Variants in FHOD3 observed in about 807,000 individuals in gnomAD.
The protein encoded by FHOD3 is formin homology 2 domain containing 3, also known as FH1/FH2 domain-containing protein 3.
In FHOD3, 90 loss-of-function variants were observed where a neutral mutation model predicts 173.0. That is an observed-to-expected ratio of 0.52 (90% CI 0.44 to 0.62). FHOD3 has a LOEUF of 0.62. Among genes scored for constraint, FHOD3 ranks in the 20% least tolerant of loss-of-function variants. The probability of loss-of-function intolerance (pLI) is 0.00; values close to 1 mark genes in which losing one functional copy is unlikely to be tolerated. For synonymous variants in FHOD3, 828 were observed against 823.0 expected, an observed-to-expected ratio of 1.01 and a Z score of -0.10; for missense variants, 1,945 against 2,034.7, an observed-to-expected ratio of 0.96 and a Z score of 0.85.
chr18:36,556,489 A>G (rs1220108742), intron 5 of FHOD3, among the ~76,000 whole-genome samples: 1 of 152,194 alleles, frequency 6.6e-6, no homozygotes, highest in African/African-American at 2.4e-5. Context: ...CAATCCCCCA[A>G]GGATACTAGA....
intron 4 of FHOD3, among the ~76,000 whole-genome samples, chr18:36,503,774 C>G (rs779566669): frequency 6.6e-6 from 1 of 152,204 alleles, no homozygotes; most frequent in Non-Finnish European, 1.5e-5. Context: ...TTCTGGGTTA[C>G]GTCTGGATTT....
intron 5 of FHOD3, among the ~76,000 whole-genome samples, chr18:36,530,119 C>G (rs1230486667): frequency 6.6e-6 from 1 of 152,166 alleles, no homozygotes; most frequent in East Asian, 1.9e-4. Flanking sequence ...AATGACTTCC[C>G]TTATCAGTCG....
At chr18:36,755,363 C>T in intron 25 of FHOD3, 52 bp downstream of exon 25, 1 of 985,104 alleles carries the variant, frequency 1.0e-6, no homozygotes, top group Non-Finnish European at 1.4e-6. Context: ...AAAGTAAGAT[C>T]AGTCAGGAAT....
At chr18:36,687,407 G>A (rs968804205) in intron 16 of FHOD3, among the ~76,000 whole-genome samples, 3 of 152,120 alleles carry the variant, frequency 2.0e-5, no homozygotes, top group East Asian at 1.9e-4. Flanking sequence ...AAATGAGCAC[G>A]TTTATGTTAG....
intron 3 of FHOD3, among the ~76,000 whole-genome samples, chr18:36,500,855 G>A (rs971323810): frequency 6.6e-5 from 10 of 152,112 alleles, no homozygotes; most frequent in Admixed American, 3.9e-4. Flanking sequence ...GTCTGGCATC[G>A]GGTGCTAGGA....
chr18:36,528,576 G>T (rs1299048709), intron 5 of FHOD3, among the ~76,000 whole-genome samples: 1 of 152,136 alleles, frequency 6.6e-6, no homozygotes, highest in Non-Finnish European at 1.5e-5. Flanking sequence ...CTGGTGTCCT[G>T]TGTCTCCTTA....
chr18:36,332,141 C>T (rs1168962314), intron 1 of FHOD3, among the ~76,000 whole-genome samples: 1 of 152,202 alleles, frequency 6.6e-6, no homozygotes, highest in Non-Finnish European at 1.5e-5. Context: ...AGGAGAAATG[C>T]TTGAAGGAAT....
At chr18:36,752,285 G>A (rs11877941) in intron 24 of FHOD3, among the ~76,000 whole-genome samples, 3,281 of 152,218 alleles carry the variant, frequency 0.022, 99 homozygotes, top group African/African-American at 0.075. Flanking sequence ...TTCCTGGGAG[G>A]CCTAGCAAAC....
intron 3 of FHOD3, among the ~76,000 whole-genome samples, chr18:36,381,573 G>A (rs553504681): frequency 1.1e-4 from 16 of 152,298 alleles, no homozygotes; most frequent in African/African-American, 3.4e-4. Context: ...TTGGTTCCTT[G>A]GTCCTGGTCT....
chr18:36,722,841 C>G (rs28730271), intron 19 of FHOD3, among the ~76,000 whole-genome samples: 1 of 152,200 alleles, frequency 6.6e-6, no homozygotes, highest in Non-Finnish European at 1.5e-5. Context: ...CCCACCACCA[C>G]TCTCCACATT....
chr18:36,763,429 A>G (rs1186183715), intron 27 of FHOD3, among the ~76,000 whole-genome samples: 11 of 148,020 alleles, frequency 7.4e-5, no homozygotes, highest in African/African-American at 2.2e-4. Context: ...TAATATGCGT[A>G]TTATACACGT....
chr18:36,571,131 AAAC>A (rs2058437110), intron 5 of FHOD3, among the ~76,000 whole-genome samples: 1 of 152,306 alleles, frequency 6.6e-6, no homozygotes, highest in Non-Finnish European at 1.5e-5. Context: ...TACAAAAACA[AAAC>A]AAAAAATCAA....
chr18:36,510,769 A>G (rs1309773195), intron 4 of FHOD3, among the ~76,000 whole-genome samples: 1 of 152,014 alleles, frequency 6.6e-6, no homozygotes, highest in Admixed American at 6.6e-5. Flanking sequence ...TTTTCCAAAA[A>G]CTCATGATAT....
At chr18:36,733,330 G>C (rs600729) in intron 20 of FHOD3, among the ~76,000 whole-genome samples, 1,824 of 152,292 alleles carry the variant, frequency 0.012, 25 homozygotes, top group African/African-American at 0.039. Flanking sequence ...TCCTCTAGGG[G>C]AGATAAGGCA....
intron 10 of FHOD3, among the ~76,000 whole-genome samples, chr18:36,634,333 G>A (rs1359826777): frequency 1.3e-5 from 2 of 152,084 alleles, no homozygotes; most frequent in African/African-American, 2.4e-5. Context: ...AACTGTGCTG[G>A]GGGGTGAGCT....
At chr18:36,420,029 T>C (rs2049906004) in intron 3 of FHOD3, among the ~76,000 whole-genome samples, 1 of 152,212 alleles carries the variant, frequency 6.6e-6, no homozygotes, top group Admixed American at 6.5e-5. Context: ...CCTGCTAAGT[T>C]ACACTTGATT....
intron 2 of FHOD3, among the ~76,000 whole-genome samples, chr18:36,359,553 T>C (rs961918943): frequency 1.3e-5 from 2 of 152,148 alleles, no homozygotes; most frequent in African/African-American, 4.8e-5. Flanking sequence ...TTACCTCTGA[T>C]AGGAGTTCAT....
chr18:36,381,315 T>A (rs1014021853), intron 3 of FHOD3, among the ~76,000 whole-genome samples: 1 of 152,240 alleles, frequency 6.6e-6, no homozygotes, highest in Non-Finnish European at 1.5e-5. Context: ...TGTTTGGGAA[T>A]GCAGCTGAAA....
At chr18:36,690,578 C>T (rs1031405640) in intron 16 of FHOD3, among the ~76,000 whole-genome samples, 1 of 152,068 alleles carries the variant, frequency 6.6e-6, no homozygotes. Context: ...CAGGAGGGGT[C>T]GCTAAGCTGT....
Sources: gnomAD v4.1 joint callset for allele counts (sites outside exome capture counted in the v4.1 genomes callset) on GRCh38, gnomAD v4.1.1 for gene constraint, MANE v1.5 for transcripts, NCBI Gene and HGNC (gene_info 2026-07-23, HGNC 2026-07-21) for gene names.